KCNT2: variants seen among roughly 807,000 people sequenced by gnomAD.
The protein encoded by KCNT2 is potassium channel subfamily T member 2.
In KCNT2, 67 loss-of-function variants were observed where a neutral mutation model predicts 153.8. The ratio of observed to expected loss-of-function variants is 0.44; its 90% confidence interval spans 0.36 to 0.53. The LOEUF (loss-of-function observed/expected upper bound fraction) is 0.53, where lower values mean the gene tolerates loss of function less well. KCNT2 is among the 20% of genes least tolerant of loss of function. KCNT2 has a pLI of 0.00. For missense variants in KCNT2, 975 were observed against 1,354.8 expected (o/e 0.72, Z 4.40); for synonymous variants, 500 against 458.8 (o/e 1.09, Z -1.15).
intron 15 of KCNT2, among the ~76,000 whole-genome samples, chr1:196,341,805 T>C (rs1286400366): frequency 6.6e-6 from 1 of 152,080 alleles, no homozygotes; most frequent in African/African-American, 2.4e-5. Flanking sequence ...GATTTTCATA[T>C]GTATGTAAAT....
At chr1:196,564,464 C>G (rs950347255) in intron 1 of KCNT2, among the ~76,000 whole-genome samples, 1 of 151,746 alleles carries the variant, frequency 6.6e-6, no homozygotes, top group African/African-American at 2.4e-5. Flanking sequence ...TATTAAAATT[C>G]TAATGACATT....
At chr1:196,365,574 T>C (rs1258212626) in intron 14 of KCNT2, among the ~76,000 whole-genome samples, 1 of 152,192 alleles carries the variant, frequency 6.6e-6, no homozygotes, top group Non-Finnish European at 1.5e-5. Context: ...TGTTCTTGCA[T>C]CCTGTTATCT....
At chr1:196,284,179 C>T (rs756933117) in intron 23 of KCNT2, among the ~76,000 whole-genome samples, 11 of 133,566 alleles carry the variant, frequency 8.2e-5, no homozygotes, top group African/African-American at 8.4e-5. Flanking sequence ...TGCAGTGAGC[C>T]GAGATCGCAC....
intron 1 of KCNT2, among the ~76,000 whole-genome samples, chr1:196,505,559 T>C (rs372392313): frequency 1.3e-5 from 2 of 151,858 alleles, no homozygotes; most frequent in Non-Finnish European, 2.9e-5. Context: ...ATTGACTTGG[T>C]GATGCGGGCT....
At chr1:196,406,331 T>C (rs957564266) in intron 12 of KCNT2, among the ~76,000 whole-genome samples, 8 of 151,502 alleles carry the variant, frequency 5.3e-5, no homozygotes, top group African/African-American at 1.9e-4. Context: ...AGAAGTATGC[T>C]TCAAATTTGA....
chr1:196,315,577 C>T (rs952723587), intron 21 of KCNT2, among the ~76,000 whole-genome samples: 29 of 151,500 alleles, frequency 1.9e-4, no homozygotes, highest in Non-Finnish European at 2.7e-4. Context: ...AATACCAATA[C>T]GAGAACATGG....
chr1:196,400,886 G>A (rs1354934385), intron 12 of KCNT2, among the ~76,000 whole-genome samples: 2 of 151,744 alleles, frequency 1.3e-5, no homozygotes, highest in Non-Finnish European at 2.9e-5. Context: ...TATCTTGCAT[G>A]TTATAATTTC....
intron 8 of KCNT2, among the ~76,000 whole-genome samples, chr1:196,432,211 A>T (rs1009454106): frequency 6.6e-6 from 1 of 152,156 alleles, no homozygotes; most frequent in Non-Finnish European, 1.5e-5. Flanking sequence ...GTGCGCAAAG[A>T]GCACAAGCTG....
chr1:196,363,957 T>C (rs1416768747), intron 14 of KCNT2, among the ~76,000 whole-genome samples: 2 of 152,124 alleles, frequency 1.3e-5, no homozygotes, highest in Non-Finnish European at 2.9e-5. Flanking sequence ...TTTATATACA[T>C]TGAAAATCAT....
At chr1:196,583,726 G>A (rs979134306) in intron 1 of KCNT2, among the ~76,000 whole-genome samples, 3 of 151,898 alleles carry the variant, frequency 2.0e-5, no homozygotes, top group Non-Finnish European at 4.4e-5. Flanking sequence ...AAAAAAAATT[G>A]TTCATTGGAC....
At chr1:196,383,943 T>G (rs955540050) in intron 13 of KCNT2, among the ~76,000 whole-genome samples, 5 of 152,172 alleles carry the variant, frequency 3.3e-5, no homozygotes, top group Non-Finnish European at 5.9e-5. Flanking sequence ...CATAGTTATT[T>G]TTATAAATCA....
chr1:196,348,623 T>C (rs1666340325), intron 14 of KCNT2, among the ~76,000 whole-genome samples: 1 of 152,202 alleles, frequency 6.6e-6, no homozygotes, highest in Non-Finnish European at 1.5e-5. Flanking sequence ...CAGCTACTTT[T>C]AATGATCTCG....
At chr1:196,307,889 G>T (rs912778969) in intron 21 of KCNT2, among the ~76,000 whole-genome samples, 15 of 151,934 alleles carry the variant, frequency 9.9e-5, no homozygotes, top group African/African-American at 3.6e-4. Flanking sequence ...GCCACCAACT[G>T]CCAAATTTCA....
intron 1 of KCNT2, among the ~76,000 whole-genome samples, chr1:196,506,657 C>A (rs915572540): frequency 6.6e-6 from 1 of 152,106 alleles, no homozygotes; most frequent in African/African-American, 2.4e-5. Context: ...TGCCTAATAC[C>A]ACAAGAGCCT....
chr1:196,298,233 G>T (rs1489042824), intron 22 of KCNT2, among the ~76,000 whole-genome samples: 1 of 152,106 alleles, frequency 6.6e-6, no homozygotes, highest in Non-Finnish European at 1.5e-5. Flanking sequence ...AGTTGGCAAA[G>T]ACTCCACAAG....
chr1:196,523,025 A>G (rs1375272458), intron 1 of KCNT2, among the ~76,000 whole-genome samples: 1 of 152,212 alleles, frequency 6.6e-6, no homozygotes. Flanking sequence ...TGCTCTTCAC[A>G]ATAAACCTTG....
chr1:196,409,913 A>T (rs1170066643), intron 12 of KCNT2, among the ~76,000 whole-genome samples: 1 of 151,696 alleles, frequency 6.6e-6, no homozygotes, highest in Admixed American at 6.6e-5. Context: ...TATATCCACA[A>T]CCAGTGCACA....
intron 1 of KCNT2, among the ~76,000 whole-genome samples, chr1:196,510,699 A>T (rs574870112): frequency 3.9e-5 from 6 of 152,148 alleles, no homozygotes; most frequent in Non-Finnish European, 8.8e-5. Context: ...TGGCACCCAG[A>T]TTCTCCTTCA....
intron 24 of KCNT2, among the ~76,000 whole-genome samples, chr1:196,281,791 C>CT: frequency 6.7e-6 from 1 of 150,306 alleles, no homozygotes; most frequent in East Asian, 1.9e-4. Flanking sequence ...GAGTCTTACT[C>CT]TGTTGCCCAG....
Sources: gnomAD v4.1 joint callset for allele counts (sites outside exome capture counted in the v4.1 genomes callset) on GRCh38, gnomAD v4.1.1 for gene constraint, MANE v1.5 for transcripts, NCBI Gene and HGNC (gene_info 2026-07-23, HGNC 2026-07-21) for gene names.